The following COTL1 variants were observed in gnomAD, a reference collection of about 807,000 sequenced individuals.
COTL1 encodes the protein coactosin-like protein.
A neutral mutation model predicts 16.5 loss-of-function variants in COTL1; 15 were observed. The observed-to-expected ratio is 0.91, with a 90% CI of 0.61 to 1.40. The LOEUF is 1.40. Among genes scored for constraint, COTL1 ranks in the 40% most tolerant of loss-of-function variants. The pLI, the probability that COTL1 is intolerant of heterozygous loss-of-function variation, is 0.00. For synonymous variants in COTL1, 112 were observed against 85.3 expected, an observed-to-expected ratio of 1.31 and a Z score of -1.73; for missense variants, 220 against 201.5, an observed-to-expected ratio of 1.09 and a Z score of -0.56.
At chr16:84,599,956 G>A (rs1417458978) in intron 2 of COTL1, among the ~76,000 whole-genome samples, 1 of 152,210 alleles carries the variant, frequency 6.6e-6, no homozygotes, top group East Asian at 1.9e-4. Context: ...GCAAGGCTGG[G>A]GAAGGAGAAA....
intron 2 of COTL1, chr16:84,596,274 C>G (rs1479780865): frequency 6.6e-6 from 1 of 152,274 alleles, no homozygotes; most frequent in Non-Finnish European, 1.5e-5. Context: ...CTGCAATGTC[C>G]AGGGTGCAAG....
In COTL1 at chr16:84,617,834, C is replaced by A; in HGVS notation, c.77+4G>T. ...GGGCGTGGAGACGAATGAAAAGTTCCTACCAGATGACGGCCGAGCCGTCGT... is the reference window on the plus strand; with the variant it reads ...GGGCGTGGAGACGAATGAAAAGTTCATACCAGATGACGGCCGAGCCGTCGT... On this transcript the variant is annotated splice_donor_region_variant and intron_variant, in intron 1 of 3. Transcript: ENST00000262428. 3 of 1,571,592 alleles carry A rather than the reference C, an allele frequency of 1.9e-6. No individual in the cohort carries two copies. Among genetic ancestry groups the A allele is most frequent in the Non-Finnish European group, 2.6e-6 (3 of 1,159,188 alleles).
intron 3 of COTL1, chr16:84,576,146 T>C (rs1312242466): frequency 6.6e-6 from 1 of 152,192 alleles, no homozygotes; most frequent in African/African-American, 2.4e-5. Context: ...AGACAGAAGA[T>C]GACAAATCCG....
chr16:84,581,430 G>T (rs1388859500), intron 3 of COTL1, among the ~76,000 whole-genome samples: 1 of 152,126 alleles, frequency 6.6e-6, no homozygotes. Flanking sequence ...CAGCAGCCTC[G>T]TAAATCTCAT....
At chr16:84,577,545 G>A (rs1469075163) in intron 3 of COTL1, among the ~76,000 whole-genome samples, 35 of 152,150 alleles carry the variant, frequency 2.3e-4, no homozygotes, top group Admixed American at 2.1e-3. Context: ...ATGCCTGGCC[G>A]GAACAGGTTC....
In COTL1 at chr16:84,566,778, C is replaced by T. The variant is rs531027081; in HGVS notation, c.*67G>A. ...GGGCTGGTGGGCTAGTAGCTGAGGC[C>T]GGCGGTCCTCTCCCCCGGGGAGCAG... On this transcript the variant is annotated 3_prime_UTR_variant, in exon 4 of 4. Transcript: ENST00000262428. 8 of 1,103,586 alleles carry T rather than the reference C, an allele frequency of 7.2e-6. No individual in the cohort carries two copies. Among genetic ancestry groups the T allele is most frequent in the Admixed American group, 3.6e-5 (2 of 55,828 alleles). 68.4% of individuals were successfully genotyped at this position (1,103,586 alleles called of 1,614,324 possible).
intron 3 of COTL1, among the ~76,000 whole-genome samples, chr16:84,584,687 C>T (rs755930197): frequency 1.1e-4 from 16 of 151,614 alleles, no homozygotes; most frequent in Non-Finnish European, 2.4e-4. Flanking sequence ...ACATTTCTTG[C>T]GTGAACTGTG....
In COTL1 at chr16:84,617,591, T is replaced by G. The variant is rs1034995061; in HGVS notation, c.78-8A>C. ...TCATATTTAAAAGTCACCCTTTGGG[T>G]TGGGAGAAGAAAAAAACACACACAC... On this transcript the variant is annotated splice_region_variant and splice_polypyrimidine_tract_variant and intron_variant, in intron 1 of 3. Coordinates refer to ENST00000262428, the MANE Select transcript of COTL1 (RefSeq NM_021149.5). The G allele has an allele frequency of 4.5e-6, 7 of 1,552,686 alleles. No individual in the cohort carries two copies. The Admixed American group carries it at 5.9e-5, about 13-fold the overall frequency.
At position 84,566,544 on chromosome 16, in the gene COTL1, C is replaced by A; in HGVS notation, c.*301G>T. The stretch of plus-strand genomic sequence containing the variant: ...GAAAAGGGGTCACTGCAGGAGGCAC[C>A]TCGGATCTGATGGCAGGCAGGACCT... On this transcript the variant is annotated 3_prime_UTR_variant, in exon 4 of 4. Coordinates refer to ENST00000262428, the MANE Select transcript of COTL1 (RefSeq NM_021149.5). 3.2e-6 allele frequency: 1 copy of A among 314,976 alleles called. No individual in the cohort carries two copies. The highest frequency in any genetic ancestry group is 6.0e-6 in the Non-Finnish European group (1 of 167,912). The allele number at this position is 314,976 out of a possible 1,614,324, so 19.5% of individuals were successfully genotyped here. A position where few individuals can be genotyped will look rare whatever the true frequency, so the allele number is the denominator to read the frequency against.
chr16:84,577,236 T>C (rs1384020149), intron 3 of COTL1: 2 of 90,400 alleles, frequency 2.2e-5, no homozygotes, highest in African/African-American at 3.0e-5. Flanking sequence ...TTTTGTTTGT[T>C]GGTTTTGGTT....
chr16:84,597,103 G>A (rs1597179496), intron 2 of COTL1, among the ~76,000 whole-genome samples: 2 of 152,344 alleles, frequency 1.3e-5, no homozygotes, highest in Middle Eastern at 3.4e-3. Context: ...TCCAGCTGTA[G>A]AATGGGGACC....
chr16:84,604,724 G>A (rs1385187685), intron 2 of COTL1, among the ~76,000 whole-genome samples: 1 of 152,160 alleles, frequency 6.6e-6, no homozygotes, highest in Non-Finnish European at 1.5e-5. Flanking sequence ...AGGGGGCTGT[G>A]GCTGTAGGGG....
At chr16:84,597,613 A>G (rs1905032444) in intron 2 of COTL1, among the ~76,000 whole-genome samples, 2 of 152,284 alleles carry the variant, frequency 1.3e-5, no homozygotes, top group African/African-American at 4.8e-5. Flanking sequence ...CTTGAGACCC[A>G]CTGACTTAGA....
chr16:84,614,913 A>G (rs1905432087), intron 2 of COTL1, among the ~76,000 whole-genome samples: 1 of 152,080 alleles, frequency 6.6e-6, no homozygotes, highest in South Asian at 2.1e-4. Flanking sequence ...TTCAAGTCCC[A>G]ACTCTGCCAC....
intron 2 of COTL1, among the ~76,000 whole-genome samples, chr16:84,602,058 G>A (rs1214732012): frequency 5.3e-5 from 8 of 152,196 alleles, no homozygotes; most frequent in South Asian, 2.1e-4. Context: ...AAGGAATCTC[G>A]TTCCCTAGCA....
Position 84,590,220 on chromosome 16 carries a change from T to C in COTL1, c.203A>G (p.Asp68Gly), listed in dbSNP as rs1904828735. Residue 68 changes from aspartate (D) to glycine (G), a missense_variant, in exon 3 of 4, where the codon GAT (aspartate) becomes GGT (glycine). Asp to Gly is a moderately conservative substitution (Grantham distance 94, BLOSUM62 -1). Transcript: ENST00000262428. The surrounding 1 kb of genome is among the most constrained non-coding windows in gnomAD (Gnocchi z 5.5). Reference sequence around the variant, plus strand: ...AAACTTGGACCTCTTGCTCATGGCATCCCCGGTGGTGAAGCGCACGAAGGC... The same window carrying C: ...AAACTTGGACCTCTTGCTCATGGCACCCCCGGTGGTGAAGCGCACGAAGGC... ...LFAFVRFTTG[D>G]AMSKRSKFAL... The C allele has an allele frequency of 6.2e-7, 1 of 1,614,010 alleles. No homozygotes were observed. Among genetic ancestry groups the C allele is most frequent in the Admixed American group, 1.7e-5 (1 of 59,998 alleles).
chr16:84,617,976 G>A lies in COTL1; in HGVS notation c.-62C>T. The A allele has an allele frequency of 3.2e-6, 4 of 1,266,470 alleles. No homozygotes were observed. The highest frequency in any genetic ancestry group is 3.3e-5 in the East Asian group (1 of 30,740). 78.5% of individuals were successfully genotyped at this position (1,266,470 alleles called of 1,614,324 possible). On this transcript the variant is annotated 5_prime_UTR_variant, in exon 1 of 4. Transcript: ENST00000262428. ...CCGAGCGCGCCCCTGGCCGGCGGCGGGGATGGGAGCGCGGCGGGTACGCGC... is the reference window on the plus strand; with the variant it reads ...CCGAGCGCGCCCCTGGCCGGCGGCGAGGATGGGAGCGCGGCGGGTACGCGC...
intron 2 of COTL1, among the ~76,000 whole-genome samples, chr16:84,597,672 G>A (rs1202078125): frequency 6.6e-6 from 1 of 152,166 alleles, no homozygotes; most frequent in African/African-American, 2.4e-5. Context: ...TTGGGAGAGG[G>A]GACGAGACAA....
At chr16:84,570,783 A>G (rs1904323887) in intron 3 of COTL1, among the ~76,000 whole-genome samples, 1 of 152,200 alleles carries the variant, frequency 6.6e-6, no homozygotes, top group South Asian at 2.1e-4. Flanking sequence ...GTCTTAAAAG[A>G]CAAGTCGTCC....
Sources: gnomAD v4.1 joint callset for allele counts (sites outside exome capture counted in the v4.1 genomes callset) on GRCh38, gnomAD v4.1.1 for gene constraint, Gnocchi (gnomAD v3.1) non-coding constraint, MANE v1.5 for transcripts, NCBI Gene and HGNC (gene_info 2026-07-23, HGNC 2026-07-21) for gene names.